The following TIGAR variants were observed in gnomAD, a reference collection of about 807,000 sequenced individuals.
TIGAR encodes fructose-2,6-bisphosphatase TIGAR.
TIGAR carries 7 observed loss-of-function variants against 17.9 expected under a neutral mutation model. The ratio of observed to expected loss-of-function variants is 0.39; its 90% confidence interval spans 0.22 to 0.73. TIGAR has a LOEUF of 0.73. TIGAR is among the 30% of genes least tolerant of loss of function. The pLI is 0.42. For missense variants in TIGAR, 258 were observed against 327.4 expected, an observed-to-expected ratio of 0.79 and a Z score of 1.64; for synonymous variants, 94 against 108.6, an observed-to-expected ratio of 0.87 and a Z score of 0.84.
intron 3 of TIGAR, among the ~76,000 whole-genome samples, chr12:4,338,661 C>T (rs1236927365): frequency 6.6e-6 from 1 of 151,784 alleles, no homozygotes; most frequent in Non-Finnish European, 1.5e-5. Flanking sequence ...GCTGTAAGTA[C>T]CTACATCAAA....
At chr12:4,331,726 T>A (rs1402532509) in intron 2 of TIGAR, among the ~76,000 whole-genome samples, 1 of 152,230 alleles carries the variant, frequency 6.6e-6, no homozygotes, top group Non-Finnish European at 1.5e-5. Context: ...TAATAAAGGT[T>A]TAAAAAAAGA....
At chr12:4,345,738 C>T (rs1274034867) in intron 3 of TIGAR, among the ~76,000 whole-genome samples, 1 of 152,196 alleles carries the variant, frequency 6.6e-6, no homozygotes, top group African/African-American at 2.4e-5. Flanking sequence ...GCAATGGCAA[C>T]AAAAGCCAAA....
At chr12:4,329,380 C>G (rs1247852168) in intron 1 of TIGAR, among the ~76,000 whole-genome samples, 1 of 135,380 alleles carries the variant, frequency 7.4e-6, no homozygotes, top group Non-Finnish European at 1.5e-5. Flanking sequence ...GCTCTCTCAC[C>G]CATACTGGAG....
At position 4,321,749 on chromosome 12, in the gene TIGAR, C is replaced by T. The variant is rs1002842336; in HGVS notation, c.32+446C>T. ...GCTATCCTCTCAGTTTCTGAGGTTC[C>T]CCCTCGTTTCCCCAGGCAGTCAGCC... is the stretch of plus-strand genomic sequence containing the variant. On this transcript the variant is annotated intron_variant, in intron 1 of 5. Transcript: ENST00000179259. The surrounding 1 kb of genome is among the most constrained non-coding windows in gnomAD (Gnocchi z 5.2). Among the ~76,000 whole-genome samples, 1 of 152,134 alleles carries T rather than the reference C, an allele frequency of 6.6e-6. No individual in the cohort carries two copies. The highest frequency in any genetic ancestry group is 1.5e-5 in the Non-Finnish European group (1 of 68,024).
intron 1 of TIGAR, among the ~76,000 whole-genome samples, chr12:4,328,235 A>C (rs1864567525): frequency 6.6e-6 from 1 of 151,890 alleles, no homozygotes; most frequent in Admixed American, 6.6e-5. Flanking sequence ...TTTGTCGCCC[A>C]GGCTGGAGTG....
At chr12:4,349,610 G>T (rs531226211) in intron 3 of TIGAR, among the ~76,000 whole-genome samples, 85 of 152,114 alleles carry the variant, frequency 5.6e-4, no homozygotes, top group African/African-American at 2.0e-3. Context: ...GTAGAGATAG[G>T]GTTTCACCAT....
rs199840929 is a variant in TIGAR, at chr12:4,338,975, C to CAAAAA, written c.192+1816_192+1817insAAAAA. 7.7e-3 allele frequency among the ~76,000 whole-genome samples: 293 copies of CAAAAA among 37,938 alleles called. 23 individuals are homozygous for CAAAAA. The highest frequency in any genetic ancestry group is 0.023 in the African/African-American group (235 of 10,164). The allele number at this position is 37,938 out of a possible 152,430, so 24.9% of individuals were successfully genotyped here. The stretch of plus-strand genomic sequence containing the variant: ...TGGGCAACAAAGCAAAACTTTGTCT[C>CAAAAA]ACAAAAAAAAAAAAAAAAAAAAAGA... On this transcript the variant is annotated intron_variant, in intron 3 of 5. Transcript: ENST00000179259.
Position 4,337,020 on chromosome 12 carries a change from T to C in TIGAR, c.71-19T>C. ...ATGTAGTTTTGAATGTTATTGTTCC[T>C]CTTCTTAATATATCACAGGACAAGG... On this transcript the variant is annotated intron_variant, in intron 2 of 5. Transcript: ENST00000179259. 1 of 1,580,692 alleles carries C rather than the reference T, an allele frequency of 6.3e-7. No homozygotes were observed.
At chr12:4,345,994 C>G (rs1864775641) in intron 3 of TIGAR, among the ~76,000 whole-genome samples, 1 of 152,198 alleles carries the variant, frequency 6.6e-6, no homozygotes, top group Non-Finnish European at 1.5e-5. Flanking sequence ...AGCCAACAGA[C>G]AGATGAAAAA....
At chr12:4,331,212 C>A (rs1864600154) in intron 1 of TIGAR, 68 bp from the exon 2 acceptor site, 2 of 1,391,842 alleles carry the variant, frequency 1.4e-6, no homozygotes, top group South Asian at 1.2e-5. Context: ...CTTGATTGCT[C>A]ATTTTTTTCC....
chr12:4,328,479 A>G (rs534122546), intron 1 of TIGAR, among the ~76,000 whole-genome samples: 6 of 152,180 alleles, frequency 3.9e-5, no homozygotes, highest in African/African-American at 1.4e-4. Context: ...GGCATGAGCC[A>G]CTGCATGTGG....
chr12:4,356,735 T>C lies in TIGAR; in HGVS notation c.*4044T>C, dbSNP rs10735033. Among the ~76,000 whole-genome samples the C allele has an allele frequency of 0.97, 147,460 of 152,274 alleles. 71,590 individuals carry two copies. The highest frequency in any genetic ancestry group is 1 in the East Asian group (5,173 of 5,174). ...CCCTAAAAGTCCTCTGTGTTCCCTG[T>C]ACTCATCTTTCCCACCTTGTCTTGC... On this transcript the variant is annotated 3_prime_UTR_variant, in exon 6 of 6. Coordinates refer to ENST00000179259, the MANE Select transcript of TIGAR (RefSeq NM_020375.3).
At chr12:4,344,510 C>G (rs769016849) in intron 3 of TIGAR, among the ~76,000 whole-genome samples, 8 of 152,202 alleles carry the variant, frequency 5.3e-5, no homozygotes, top group South Asian at 4.1e-4. Context: ...AGCAGCGCAA[C>G]AAAAAGCTTA....
chr12:4,333,844 T>C (rs4766236), intron 2 of TIGAR, among the ~76,000 whole-genome samples: 78,177 of 152,040 alleles, frequency 0.51, 20,403 homozygotes, highest in East Asian at 0.71. Flanking sequence ...AGGTGACCCA[T>C]CTGCCTTGGC....
chr12:4,336,313 C>G (rs1198438326), intron 2 of TIGAR, among the ~76,000 whole-genome samples: 2 of 152,146 alleles, frequency 1.3e-5, no homozygotes, highest in Non-Finnish European at 2.9e-5. Flanking sequence ...TCTCCCAGCC[C>G]CACCAGCGTG....
chr12:4,349,497 A>G (rs1225829525), intron 3 of TIGAR, among the ~76,000 whole-genome samples: 1 of 151,834 alleles, frequency 6.6e-6, no homozygotes, highest in Non-Finnish European at 1.5e-5. Context: ...AGCTCACTGC[A>G]ACCTCCGCCT....
intron 2 of TIGAR, among the ~76,000 whole-genome samples, chr12:4,332,555 A>G (rs1332385189): frequency 6.6e-6 from 1 of 152,160 alleles, no homozygotes; most frequent in African/African-American, 2.4e-5. Context: ...CAAGGCTTAT[A>G]TATTCCTAAG....
chr12:4,324,675 C>T (rs533875203), intron 1 of TIGAR: 4 of 1,068,916 alleles, frequency 3.7e-6, no homozygotes, highest in East Asian at 2.5e-5. Context: ...GGCCCGGGTT[C>T]ACTTGCGGCC....
chr12:4,347,464 A>G (rs1274056683), intron 3 of TIGAR, among the ~76,000 whole-genome samples: 1 of 152,198 alleles, frequency 6.6e-6, no homozygotes, highest in East Asian at 1.9e-4. Flanking sequence ...AGAAAGAATG[A>G]ATAAGACCTA....
Sources: allele counts gnomAD v4.1 joint callset (sites outside exome capture counted in the v4.1 genomes callset), GRCh38; gene constraint gnomAD v4.1.1; non-coding constraint Gnocchi (gnomAD v3.1); transcripts MANE v1.5; gene names NCBI Gene and HGNC (gene_info 2026-07-23, HGNC 2026-07-21).